The following CDC14B variants were observed in gnomAD, a reference collection of about 807,000 sequenced individuals.
The protein encoded by CDC14B is cell division cycle 14B, also known as dual specificity protein phosphatase CDC14B.
CDC14B carries 22 observed loss-of-function variants against 64.2 expected under a neutral mutation model. That is an observed-to-expected ratio of 0.34 (90% CI 0.24 to 0.49). The LOEUF (loss-of-function observed/expected upper bound fraction) is 0.49. CDC14B is among the 20% of genes least tolerant of loss of function. CDC14B has a pLI of 0.99. For synonymous variants in CDC14B, 191 were observed against 215.8 expected, an observed-to-expected ratio of 0.89 and a Z score of 1.01; for missense variants, 498 against 629.9, an observed-to-expected ratio of 0.79 and a Z score of 2.24.
Position 96,523,618 on chromosome 9 carries a change from C to A in CDC14B, c.1054G>T (p.Val352Leu). 6.2e-7 allele frequency: 1 copy of A among 1,614,234 alleles called. No homozygotes were observed. Among genetic ancestry groups the A allele is most frequent in the Non-Finnish European group, 8.5e-7 (1 of 1,180,046 alleles). ...AWVRICRPGS[V>L]IGPQQQFLVM... ...AAAAACTGCTGCTGAGGCCCAATCA[C>A]CGAGCCAGGTCTGCAGATCCTGACC... The change falls in exon 10 of 14, where the codon GTG becomes TTG. Residue 352 changes from valine (V) to leucine (L), a missense_variant. By Grantham distance (32) the Val-to-Leu change is conservative. Coordinates refer to ENST00000375241, the MANE Select transcript of CDC14B (RefSeq NM_033331.4).
At chr9:96,498,671 T>C (rs578087534), downstream of CDC14B, among the ~76,000 whole-genome samples, 1 of 152,354 alleles carries the variant, frequency 6.6e-6, no homozygotes, top group South Asian at 2.1e-4. Context: ...CCCAATTATC[T>C]AGAGAAAATG....
chr9:96,521,670 GTATAT>G (rs1180169614), intron 12 of CDC14B, among the ~76,000 whole-genome samples: 4 of 152,054 alleles, frequency 2.6e-5, no homozygotes, highest in Non-Finnish European at 1.5e-5. Context: ...AATATAAATG[GTATAT>G]TATATCATAC....
In CDC14B at chr9:96,578,916, C is replaced by G. The variant is rs571041127; in HGVS notation, c.161-13433G>C. The stretch of plus-strand genomic sequence containing the variant: ...TCACTGCAACCTCTGCCTCCTGGTT[C>G]CAGTGATTCTCCTGCCTCAGCCTCC... On this transcript the variant is annotated intron_variant, in intron 1 of 13. Coordinates refer to ENST00000375241, the MANE Select transcript of CDC14B (RefSeq NM_033331.4). Among the ~76,000 whole-genome samples, 23 of 152,320 alleles carry G rather than the reference C, an allele frequency of 1.5e-4. No individual in the cohort carries two copies. The South Asian group carries it at 4.4e-3, about 29-fold the overall frequency.
intron 1 of CDC14B, among the ~76,000 whole-genome samples, chr9:96,574,697 C>CAAAAAAAAAAAAAAAAAAAAA (rs57056796): frequency 6.0e-5 from 3 of 49,962 alleles, no homozygotes; most frequent in African/African-American, 2.5e-4. Flanking sequence ...CTCGGTCTCA[C>CAAAAAAAAAAAAAAAAAAAAA]AAAAAAAAAA....
At chr9:96,616,770 G>A (rs554301649) in intron 1 of CDC14B, among the ~76,000 whole-genome samples, 4 of 152,040 alleles carry the variant, frequency 2.6e-5, no homozygotes, top group Non-Finnish European at 1.5e-5. Context: ...TTTTAGAAGT[G>A]TGCATGCACT....
chr9:96,615,675 AAG>A (rs1468013258), intron 1 of CDC14B, among the ~76,000 whole-genome samples: 2 of 152,314 alleles, frequency 1.3e-5, no homozygotes, highest in South Asian at 2.1e-4. Context: ...CATTCGGAAA[AAG>A]AGTCTGACAG....
chr9:96,601,910 T>A (rs1392678540), intron 1 of CDC14B, among the ~76,000 whole-genome samples: 2 of 150,260 alleles, frequency 1.3e-5, no homozygotes, highest in East Asian at 3.9e-4. Context: ...ATACAAAAAA[T>A]TAGCTGGGCA....
chr9:96,576,401 C>T (rs1844804155), intron 1 of CDC14B, among the ~76,000 whole-genome samples: 1 of 151,970 alleles, frequency 6.6e-6, no homozygotes, highest in Non-Finnish European at 1.5e-5. Flanking sequence ...GAGGCTGAGG[C>T]AGGTGGATCA....
chr9:96,606,213 G>A (rs540532042), intron 1 of CDC14B, among the ~76,000 whole-genome samples: 138 of 149,012 alleles, frequency 9.3e-4, no homozygotes, highest in African/African-American at 3.1e-3. Flanking sequence ...TGTGCCTGTA[G>A]TCCCAGCTAC....
chr9:96,520,729 G>GC (rs1836566093), intron 12 of CDC14B, among the ~76,000 whole-genome samples: 1 of 152,110 alleles, frequency 6.6e-6, no homozygotes, highest in Non-Finnish European at 1.5e-5. Context: ...ACCCACAAAA[G>GC]CATCAGTTTC....
At chr9:96,496,258 C>T (rs768330422), downstream of CDC14B, 5 of 498,188 alleles carry the variant, frequency 1.0e-5, no homozygotes, top group Admixed American at 2.1e-5. Context: ...GGGCAACGGG[C>T]GTGTCCAGGA....
intron 5 of CDC14B, among the ~76,000 whole-genome samples, chr9:96,547,500 G>T (rs552711899): frequency 1.3e-5 from 2 of 151,790 alleles, no homozygotes; most frequent in East Asian, 3.9e-4. Flanking sequence ...TTGTTCTGTT[G>T]TGCAGGCTGA....
intron 1 of CDC14B, among the ~76,000 whole-genome samples, chr9:96,609,971 C>T (rs1847203275): frequency 6.6e-6 from 1 of 152,098 alleles, no homozygotes; most frequent in African/African-American, 2.4e-5. Flanking sequence ...TTTGAGCCAA[C>T]TGGTGAATGA....
intron 9 of CDC14B, among the ~76,000 whole-genome samples, chr9:96,524,325 G>C (rs910384041): frequency 3.3e-5 from 5 of 152,026 alleles, no homozygotes; most frequent in African/African-American, 1.2e-4. Context: ...TCTATGTGTA[G>C]CCGAGGTGGA....
intron 1 of CDC14B, chr9:96,567,099 C>T (rs1326485130): frequency 9.2e-6 from 7 of 757,234 alleles, no homozygotes; most frequent in Non-Finnish European, 1.4e-5. Context: ...CGCCCGCCTT[C>T]CTTCCCCAGC....
At chr9:96,595,356 C>T (rs1027473935) in intron 1 of CDC14B, among the ~76,000 whole-genome samples, 1 of 152,134 alleles carries the variant, frequency 6.6e-6, no homozygotes, top group Non-Finnish European at 1.5e-5. Flanking sequence ...TACAACGAAG[C>T]AGAAAAGCAT....
chr9:96,591,751 T>C (rs1202138622), intron 1 of CDC14B, among the ~76,000 whole-genome samples: 1 of 150,082 alleles, frequency 6.7e-6, no homozygotes, highest in African/African-American at 2.5e-5. Context: ...GTCTTTAATT[T>C]CTTTTTTTTT....
intron 1 of CDC14B, among the ~76,000 whole-genome samples, chr9:96,581,642 GTA>G (rs1466799166): frequency 6.6e-6 from 1 of 152,054 alleles, no homozygotes; most frequent in Admixed American, 6.6e-5. Flanking sequence ...AGGGAAGGAA[GTA>G]TTTACTTTTT....
rs1833596485 is a variant in CDC14B at position 96,502,015 on chromosome 9, A to AT, written c.*1737dup. 6.6e-6 allele frequency: 1 copy of AT among 152,200 alleles called. No individual in the cohort carries two copies. Among genetic ancestry groups the AT allele is most frequent in the South Asian group, 2.1e-4 (1 of 4,830 alleles). 9.4% of individuals were successfully genotyped at this position (152,200 alleles called of 1,614,324 possible). A position where few individuals can be genotyped will look rare whatever the true frequency, so the allele number is the denominator to read the frequency against. On this transcript the variant is annotated 3_prime_UTR_variant, in exon 14 of 14. Coordinates refer to ENST00000375241, the MANE Select transcript of CDC14B (RefSeq NM_033331.4). ...GCTTTATGCATGGCACAGTTTGAAT[A>AT]TTTATATTGTCTCAGCTCAAAATAG...
Sources: gnomAD v4.1 joint callset for allele counts (sites outside exome capture counted in the v4.1 genomes callset) on GRCh38, gnomAD v4.1.1 for gene constraint, MANE v1.5 for transcripts, NCBI Gene and HGNC (gene_info 2026-07-23, HGNC 2026-07-21) for gene names.